NELL1: variants seen among roughly 807,000 people sequenced by gnomAD.
NELL1 encodes protein kinase C-binding protein NELL1.
In NELL1, 76 loss-of-function variants were observed where a neutral mutation model predicts 107.4. The observed-to-expected ratio is 0.71, with a 90% CI of 0.59 to 0.86. The LOEUF (loss-of-function observed/expected upper bound fraction) is 0.86, where lower values mean the gene tolerates loss of function less well. Among genes scored for constraint, NELL1 ranks in the 40% least tolerant of loss-of-function variants. The probability of loss-of-function intolerance (pLI) is 0.00; values close to 1 mark genes in which losing one functional copy is unlikely to be tolerated. For missense variants in NELL1, 1,024 were observed against 1,005.5 expected, an observed-to-expected ratio of 1.02 and a Z score of -0.25; for synonymous variants, 353 against 341.2, an observed-to-expected ratio of 1.03 and a Z score of -0.38.
intron 15 of NELL1, among the ~76,000 whole-genome samples, chr11:21,422,205 G>T (rs1460816509): frequency 2.0e-5 from 3 of 152,054 alleles, no homozygotes; most frequent in Non-Finnish European, 4.4e-5. Flanking sequence ...GACCTACCCT[G>T]CCCTGCAGGA....
chr11:21,220,620 T>C (rs1857732025), intron 13 of NELL1, among the ~76,000 whole-genome samples: 1 of 152,206 alleles, frequency 6.6e-6, no homozygotes, highest in African/African-American at 2.4e-5. Flanking sequence ...TAGGTGTTTT[T>C]TTTGTAGCTA....
At chr11:20,699,410 G>C (rs1854712802) in intron 2 of NELL1, among the ~76,000 whole-genome samples, 1 of 151,612 alleles carries the variant, frequency 6.6e-6, no homozygotes, top group Non-Finnish European at 1.5e-5. Flanking sequence ...ACTCAGGCTG[G>C]AGTGCAGTGG....
At chr11:21,344,831 A>G (rs1447347770) in intron 14 of NELL1, among the ~76,000 whole-genome samples, 1 of 152,158 alleles carries the variant, frequency 6.6e-6, no homozygotes, top group Non-Finnish European at 1.5e-5. Flanking sequence ...ATGCTCTGCA[A>G]TGATAGTTGT....
chr11:21,410,006 T>C (rs1852336997), intron 15 of NELL1, among the ~76,000 whole-genome samples: 1 of 152,080 alleles, frequency 6.6e-6, no homozygotes, highest in Non-Finnish European at 1.5e-5. Context: ...TTATTTATGT[T>C]AAAAATAATT....
intron 3 of NELL1, among the ~76,000 whole-genome samples, chr11:20,821,957 G>A (rs1001187018): frequency 1.3e-5 from 2 of 152,204 alleles, no homozygotes; most frequent in African/African-American, 4.8e-5. Flanking sequence ...TGGGTAGGCA[G>A]TAGTACTACG....
At position 21,487,996 on chromosome 11, in the gene NELL1, T is replaced by C. The variant is rs79237858; in HGVS notation, c.1646-46378T>C. ...AAATAGAACATAACAATTCTAAATATATATACATACAACACTGGAACACCC... is the reference window on the plus strand; with the variant it reads ...AAATAGAACATAACAATTCTAAATACATATACATACAACACTGGAACACCC... On this transcript the variant is annotated intron_variant, in intron 15 of 19. Coordinates refer to ENST00000357134, the MANE Select transcript of NELL1 (RefSeq NM_006157.5). 5.3e-3 allele frequency among the ~76,000 whole-genome samples: 809 copies of C among 152,246 alleles called. 5 individuals carry two copies. The highest frequency in any genetic ancestry group is 0.017 in the African/African-American group (693 of 41,554).
chr11:21,103,779 T>C (rs1035482492), intron 12 of NELL1, among the ~76,000 whole-genome samples: 4 of 152,206 alleles, frequency 2.6e-5, no homozygotes, highest in African/African-American at 9.6e-5. Context: ...TATGAAGGCA[T>C]CTTTCTTGCA....
chr11:20,981,231 T>C (rs373794240), intron 12 of NELL1, among the ~76,000 whole-genome samples: 3 of 152,330 alleles, frequency 2.0e-5, no homozygotes, highest in African/African-American at 7.2e-5. Flanking sequence ...GAAAGGCATA[T>C]GTATTTTGAC....
intron 13 of NELL1, among the ~76,000 whole-genome samples, chr11:21,150,065 C>T (rs1489890093): frequency 1.3e-5 from 2 of 151,934 alleles, no homozygotes; most frequent in East Asian, 3.9e-4. Flanking sequence ...GTATTTCAAG[C>T]AGAGGGAACA....
chr11:20,805,569 G>A (rs1332796741), intron 3 of NELL1, among the ~76,000 whole-genome samples: 1 of 152,030 alleles, frequency 6.6e-6, no homozygotes, highest in African/African-American at 2.4e-5. Flanking sequence ...ACCCAGGCTG[G>A]GGTGCAGTGG....
chr11:21,115,950 A>G (rs1323823166), intron 13 of NELL1, among the ~76,000 whole-genome samples: 1 of 151,890 alleles, frequency 6.6e-6, no homozygotes, highest in Admixed American at 6.6e-5. Context: ...CTTTGATCCC[A>G]GATTTCTTTC....
At chr11:21,032,589 C>T (rs754358210) in intron 12 of NELL1, among the ~76,000 whole-genome samples, 4 of 152,052 alleles carry the variant, frequency 2.6e-5, no homozygotes, top group Non-Finnish European at 5.9e-5. Flanking sequence ...AGGGTTTCAC[C>T]ATGTTGGCCA....
chr11:21,276,571 A>G (rs935881778), intron 14 of NELL1, among the ~76,000 whole-genome samples: 32 of 152,252 alleles, frequency 2.1e-4, no homozygotes, highest in African/African-American at 7.2e-4. Flanking sequence ...TGGAACCAAA[A>G]AAGAGCCTGC....
chr11:21,094,662 G>A (rs1854599383), intron 12 of NELL1, among the ~76,000 whole-genome samples: 1 of 152,208 alleles, frequency 6.6e-6, no homozygotes, highest in Admixed American at 6.5e-5. Context: ...TGTGGAAGCT[G>A]TCAAGGCTTG....
intron 3 of NELL1, among the ~76,000 whole-genome samples, chr11:20,801,559 C>T (rs1013947971): frequency 4.6e-5 from 7 of 152,032 alleles, no homozygotes; most frequent in Admixed American, 1.3e-4. Flanking sequence ...TTCCCTTTTC[C>T]GTAAAGAGGT....
At chr11:21,564,469 C>G (rs992866162) in intron 17 of NELL1, among the ~76,000 whole-genome samples, 3 of 151,876 alleles carry the variant, frequency 2.0e-5, no homozygotes, top group African/African-American at 7.2e-5. Flanking sequence ...GAGTAAGAAC[C>G]AGGGTCTGCA....
chr11:20,898,508 C>CAT (rs200847890), intron 5 of NELL1, among the ~76,000 whole-genome samples: 4,309 of 150,612 alleles, frequency 0.029, 110 homozygotes, highest in East Asian at 0.16. Flanking sequence ...CAACATGGCA[C>CAT]ATATATATAT....
At chr11:21,006,328 C>T (rs534572537) in intron 12 of NELL1, among the ~76,000 whole-genome samples, 3 of 152,088 alleles carry the variant, frequency 2.0e-5, no homozygotes, top group African/African-American at 4.8e-5. Flanking sequence ...TCTCACCATG[C>T]GATGCCTTCT....
At chr11:21,139,935 T>C (rs375963877) in intron 13 of NELL1, among the ~76,000 whole-genome samples, 2 of 152,274 alleles carry the variant, frequency 1.3e-5, no homozygotes, top group Admixed American at 1.3e-4. Flanking sequence ...GATTCAGCTT[T>C]ATGCTAAGCC....
Sources: gnomAD v4.1 joint callset for allele counts (sites outside exome capture counted in the v4.1 genomes callset) on GRCh38, gnomAD v4.1.1 for gene constraint, MANE v1.5 for transcripts, NCBI Gene and HGNC (gene_info 2026-07-23, HGNC 2026-07-21) for gene names.